The following DMD variants were observed in gnomAD, a reference collection of about 807,000 sequenced individuals.
The protein encoded by DMD is mutant dystrophin.
Under a neutral mutation model 330.1 loss-of-function variants are expected in DMD, and 63 were observed. The ratio of observed to expected loss-of-function variants is 0.19; its 90% confidence interval spans 0.16 to 0.24. The LOEUF (loss-of-function observed/expected upper bound fraction) is 0.24. DMD is among the 10% of genes least tolerant of loss of function. The pLI is 1.00. For missense variants in DMD, 3,344 were observed against 2,684.1 expected, an observed-to-expected ratio of 1.25 and a Z score of -5.43; for synonymous variants, 1,223 against 959.8, an observed-to-expected ratio of 1.27 and a Z score of -5.07.
intron 55 of DMD, among the ~76,000 whole-genome samples, chrX:31,616,027 C>G (rs1233421780): frequency 8.9e-6 from 1 of 111,796 alleles, no homozygotes; most frequent in Non-Finnish European, 1.9e-5. Flanking sequence ...GCTGTCATTA[C>G]TTTTGATTTA....
At chrX:32,250,795 G>A (rs1460373182) in intron 43 of DMD, among the ~76,000 whole-genome samples, 4 of 111,718 alleles carry the variant, frequency 3.6e-5, no homozygotes, top group African/African-American at 1.3e-4. Context: ...TTCATACCTC[G>A]ATGGTTTTTG....
intron 28 of DMD, among the ~76,000 whole-genome samples, chrX:32,439,456 C>G (rs2098273269): frequency 9.0e-6 from 1 of 111,456 alleles, no homozygotes; most frequent in African/African-American, 3.3e-5. Context: ...TTCCTTATTA[C>G]TTCTAACAAA....
intron 1 of DMD, among the ~76,000 whole-genome samples, chrX:33,310,099 C>T (rs1175511315): frequency 9.0e-6 from 1 of 110,782 alleles, no homozygotes; most frequent in African/African-American, 3.3e-5. Flanking sequence ...AAAATAACAA[C>T]AACAAAAAAC....
chrX:32,261,704 A>G (rs1177590240), intron 43 of DMD, among the ~76,000 whole-genome samples: 2 of 112,027 alleles, frequency 1.8e-5, no homozygotes, highest in African/African-American at 6.5e-5. Flanking sequence ...TTTTGTTTCA[A>G]TGAATGGCTG....
At chrX:32,248,561 C>A (rs1418745307) in intron 43 of DMD, among the ~76,000 whole-genome samples, 2 of 107,850 alleles carry the variant, frequency 1.9e-5, no homozygotes, top group Non-Finnish European at 3.8e-5. Context: ...ACTTTATATT[C>A]TGTTTCTATT....
At chrX:31,976,118 A>T (rs1205956668) in intron 44 of DMD, among the ~76,000 whole-genome samples, 1 of 110,554 alleles carries the variant, frequency 9.0e-6, no homozygotes, top group Non-Finnish European at 1.9e-5. Flanking sequence ...AGCAGGAGAT[A>T]TCATGGTAGT....
In DMD at chrX:32,360,266, C is replaced by CT. The variant is rs768965218; in HGVS notation, c.5325+2521dup. On this transcript the variant is annotated intron_variant, in intron 37 of 78. Coordinates refer to ENST00000357033, the MANE Select transcript of DMD (RefSeq NM_004006.3). ...CCCTTGTATCTTCTCACCACAATCT[C>CT]TAACACAATGGAAGCTCAATCCCAT... 1.4e-4 allele frequency among the ~76,000 whole-genome samples: 16 copies of CT among 112,076 alleles called. No individual in the cohort carries two copies. The East Asian group carries it at 4.5e-3, about 31-fold the overall frequency.
chrX:32,085,603 T>TATGTATATATATAC (rs1380969565), intron 44 of DMD, among the ~76,000 whole-genome samples: 1 of 97,777 alleles, frequency 1.0e-5, no homozygotes, highest in Non-Finnish European at 2.0e-5. Flanking sequence ...TATGTATATA[T>TATGTATATATATAC]GTGTATATAT....
intron 57 of DMD, among the ~76,000 whole-genome samples, chrX:31,491,711 C>G (rs1485299452): frequency 9.0e-6 from 1 of 111,305 alleles, no homozygotes; most frequent in Non-Finnish European, 1.9e-5. Flanking sequence ...CTATGGTCCC[C>G]AAATATGTCT....
At chrX:32,611,658 G>A (rs1203904381) in intron 12 of DMD, among the ~76,000 whole-genome samples, 1 of 111,272 alleles carries the variant, frequency 9.0e-6, no homozygotes, top group African/African-American at 3.3e-5. Flanking sequence ...TTCCTTCATA[G>A]CTGCCCTAGG....
intron 1 of DMD, among the ~76,000 whole-genome samples, chrX:33,030,069 T>C (rs1172288658): frequency 9.0e-6 from 1 of 111,532 alleles, no homozygotes; most frequent in Non-Finnish European, 1.9e-5. Context: ...CCTCTATTTG[T>C]TTCATGGTAA....
At chrX:31,682,246 A>C (rs1302168631) in intron 52 of DMD, among the ~76,000 whole-genome samples, 1 of 111,860 alleles carries the variant, frequency 8.9e-6, no homozygotes, top group East Asian at 2.8e-4. Flanking sequence ...TTTTTTTATC[A>C]GGTTTATTTC....
At chrX:31,623,171 A>G (rs1242166805) in intron 55 of DMD, among the ~76,000 whole-genome samples, 1 of 111,364 alleles carries the variant, frequency 9.0e-6, no homozygotes, top group Non-Finnish European at 1.9e-5. Flanking sequence ...CAAGGTACTA[A>G]TTGTGCTACT....
intron 44 of DMD, among the ~76,000 whole-genome samples, chrX:32,046,964 CAA>C (rs1331462845): frequency 1.8e-5 from 2 of 111,300 alleles, no homozygotes; most frequent in Admixed American, 9.6e-5. Context: ...CATACTATGA[CAA>C]AAGAGTCATA....
chrX:32,809,436 A>C (rs1382862358), intron 7 of DMD, 57 bp downstream of exon 7: 1 of 986,313 alleles, frequency 1.0e-6, no homozygotes, highest in Non-Finnish European at 1.4e-6. Flanking sequence ...CAAGTCTCAG[A>C]TGAAAACATT....
At chrX:32,301,222 TAA>T (rs56329666) in intron 42 of DMD, among the ~76,000 whole-genome samples, 2 of 74,673 alleles carry the variant, frequency 2.7e-5, no homozygotes, top group African/African-American at 4.9e-5. Context: ...TGCATACATC[TAA>T]AAAAAAAAAA....
chrX:32,431,643 TATTC>T (rs1450731842), intron 29 of DMD, among the ~76,000 whole-genome samples: 1 of 111,764 alleles, frequency 8.9e-6, no homozygotes, highest in Non-Finnish European at 1.9e-5. Context: ...ATATATGATA[TATTC>T]ATTTTCTAAT....
intron 2 of DMD, among the ~76,000 whole-genome samples, chrX:33,009,008 A>T (rs1443693702): frequency 1.0e-5 from 1 of 99,240 alleles, no homozygotes; most frequent in East Asian, 3.3e-4. Flanking sequence ...ATATATACAC[A>T]CATACACACG....
chrX:32,458,042 GAATTC>G (rs2051809169), intron 25 of DMD, among the ~76,000 whole-genome samples: 1 of 110,647 alleles, frequency 9.0e-6, no homozygotes, highest in Non-Finnish European at 1.9e-5. Context: ...TTGAAAAGAT[GAATTC>G]ATTTAATTAT....
Sources: allele counts gnomAD v4.1 joint callset (sites outside exome capture counted in the v4.1 genomes callset), GRCh38; gene constraint gnomAD v4.1.1; transcripts MANE v1.5; gene names NCBI Gene and HGNC (gene_info 2026-07-23, HGNC 2026-07-21).